The following TBL1Y variants were observed in gnomAD, a reference collection of about 807,000 sequenced individuals.
TBL1Y encodes transducin beta like 1 Y-linked.
TBL1Y carries 15 observed loss-of-function variants against 12.0 expected under a neutral mutation model. The ratio of observed to expected loss-of-function variants is 1.25; its 90% CI spans 0.83 to 1.92. The LOEUF (loss-of-function observed/expected upper bound fraction) is 1.92. TBL1Y is among the 40% of genes most tolerant of loss of function. TBL1Y has a pLI of 0.00. For synonymous variants in TBL1Y, 53 were observed against 42.6 expected (o/e 1.24, Z -0.95); for missense variants, 148 against 116.7 (o/e 1.27, Z -1.24).
At chrY:6,980,310 G>A (rs2012275098) in intron 3 of TBL1Y, among the ~76,000 whole-genome samples, 1 of 33,599 alleles carries the variant, frequency 3.0e-5, no homozygotes, top group South Asian at 6.9e-4. Context: ...TTTTATCTGC[G>A]GTATTTATGG....
chrY:7,055,061 G>T, intron 7 of TBL1Y, among the ~76,000 whole-genome samples: 2 of 34,042 alleles, frequency 5.9e-5, no homozygotes, highest in African/African-American at 2.3e-4. Context: ...AAGCACAGGG[G>T]CTCAAGGGCC....
chrY:7,052,892 A>G (rs2012805896), intron 7 of TBL1Y, among the ~76,000 whole-genome samples: 1 of 34,450 alleles, frequency 2.9e-5, no homozygotes, highest in African/African-American at 1.1e-4. Flanking sequence ...ATATTTAAGA[A>G]TGTTAGCACA....
intron 4 of TBL1Y, among the ~76,000 whole-genome samples, chrY:7,018,880 T>A: frequency 3.0e-5 from 1 of 33,361 alleles, no homozygotes; most frequent in Admixed American, 2.7e-4. Flanking sequence ...TCTAATTCAG[T>A]TTTTTGAAGA....
rs1569371227 is a variant in TBL1Y, at chrY:7,091,522, A to G, written c.*30A>G. On this transcript the variant is annotated 3_prime_UTR_variant, in exon 19 of 19. Transcript: ENST00000383032. ...AAACACAAAATATAGAAAAAAAGAAAAGAATTCTAATGACCTGCCTTGAAT... is the reference window on the plus strand; with the variant it reads ...AAACACAAAATATAGAAAAAAAGAAGAGAATTCTAATGACCTGCCTTGAAT... 2 of 353,205 alleles carry G rather than the reference A, an allele frequency of 5.7e-6. No homozygotes were observed. Among genetic ancestry groups the G allele is most frequent in the Non-Finnish European group, 4.0e-6 (1 of 251,700 alleles). The allele number at this position is 353,205 out of a possible 400,897, so 88.1% of individuals were successfully genotyped here. A position where few individuals can be genotyped will look rare whatever the true frequency, so the allele number is the denominator to read the frequency against.
chrY:6,987,298 CT>C (rs369781684), intron 3 of TBL1Y, among the ~76,000 whole-genome samples: 8 of 26,129 alleles, frequency 3.1e-4, no homozygotes, highest in South Asian at 9.4e-4. Context: ...TTTGTCATTT[CT>C]TTTTTTTTTT....
At chrY:7,063,841 T>C in intron 7 of TBL1Y, 56 bp from the exon 8 acceptor site, 1 of 392,373 alleles carries the variant, frequency 2.5e-6, no homozygotes, top group Non-Finnish European at 3.6e-6. Context: ...GTAGAGACCA[T>C]TCCCAGAGCC....
At chrY:7,070,352 C>T (rs367577310) in intron 9 of TBL1Y, 24 bp downstream of exon 9, 90 of 393,020 alleles carry the variant, frequency 2.3e-4, no homozygotes, top group Non-Finnish European at 3.1e-4. Flanking sequence ...GATGGGGGCA[C>T]TCCAGGGTCA....
intron 2 of TBL1Y, among the ~76,000 whole-genome samples, chrY:6,940,717 CCTGTGTCAG>C (rs2011946841): frequency 3.1e-5 from 1 of 32,750 alleles, no homozygotes; most frequent in African/African-American, 1.2e-4. Context: ...GTCTGTGTCA[CCTGTGTCAG>C]CTGTGGATAA....
intron 17 of TBL1Y, among the ~76,000 whole-genome samples, chrY:7,089,235 C>T (rs2013159042): frequency 2.9e-5 from 1 of 33,999 alleles, no homozygotes; most frequent in African/African-American, 1.1e-4. Flanking sequence ...ACATATGTTA[C>T]GCAATTTTCT....
intron 4 of TBL1Y, among the ~76,000 whole-genome samples, chrY:7,020,480 C>A: frequency 6.1e-5 from 2 of 32,601 alleles, no homozygotes. Flanking sequence ...ACTCAGGAAG[C>A]GAGGCAGGAG....
At chrY:6,974,988 G>A (rs1603032369) in intron 2 of TBL1Y, among the ~76,000 whole-genome samples, 1 of 33,583 alleles carries the variant, frequency 3.0e-5, no homozygotes, top group African/African-American at 1.2e-4. Context: ...AGGCTGCAGC[G>A]AGGTCTGTAC....
intron 2 of TBL1Y, among the ~76,000 whole-genome samples, chrY:6,974,059 A>G (rs2012223401): frequency 1.5e-4 from 5 of 33,780 alleles, no homozygotes. Context: ...TACAGTGTGC[A>G]TCACAGCCCC....
intron 3 of TBL1Y, among the ~76,000 whole-genome samples, chrY:6,993,457 G>A: frequency 3.3e-5 from 1 of 30,642 alleles, no homozygotes; most frequent in Admixed American, 3.2e-4. Context: ...GTAAATGTGT[G>A]CCATGGTCAT....
chrY:6,984,174 C>T (rs2012302248), intron 3 of TBL1Y, among the ~76,000 whole-genome samples: 1 of 32,926 alleles, frequency 3.0e-5, no homozygotes, highest in Non-Finnish European at 7.4e-5. Flanking sequence ...ACCCTGGCTT[C>T]CCGGTCTTGT....
intron 4 of TBL1Y, among the ~76,000 whole-genome samples, chrY:7,018,400 G>A: frequency 6.1e-5 from 2 of 33,021 alleles, no homozygotes; most frequent in African/African-American, 2.4e-4. Flanking sequence ...TCCTGTTTGG[G>A]TAGAAAAGGT....
At chrY:7,049,206 G>T (rs2012780751) in intron 7 of TBL1Y, among the ~76,000 whole-genome samples, 3 of 33,494 alleles carry the variant, frequency 9.0e-5, no homozygotes, top group South Asian at 1.4e-3. Context: ...CAAAGGACAT[G>T]AACTCATCCT....
chrY:6,951,784 T>C, intron 2 of TBL1Y, among the ~76,000 whole-genome samples: 1 of 33,790 alleles, frequency 3.0e-5, no homozygotes, highest in Non-Finnish European at 7.3e-5. Flanking sequence ...CAATTTTAGA[T>C]CTTTGCTGCT....
In TBL1Y at chrY:6,991,842, A is replaced by C. The variant is rs759809926; in HGVS notation, c.-234-3962A>C. On this transcript the variant is annotated intron_variant, in intron 3 of 18. Coordinates refer to ENST00000383032, the MANE Select transcript of TBL1Y (RefSeq NM_033284.2). ...ATGCAGCCAGCATGGCAATGCCTCAACTTACAGAAATGGAGAAGGGAAAGA... is the reference window on the plus strand; with the variant it reads ...ATGCAGCCAGCATGGCAATGCCTCACCTTACAGAAATGGAGAAGGGAAAGA... Among the ~76,000 whole-genome samples, 3 of 34,457 alleles carry C rather than the reference A, an allele frequency of 8.7e-5. No homozygotes were observed. In the East Asian group the frequency reaches 2.3e-3, roughly 26 times the overall value. The allele number at this position is 34,457 out of a possible 37,273, so 92.4% of individuals were successfully genotyped here.
At chrY:6,923,867 G>C in intron 2 of TBL1Y, among the ~76,000 whole-genome samples, 1 of 33,348 alleles carries the variant, frequency 3.0e-5, no homozygotes, top group Non-Finnish European at 7.4e-5. Context: ...CTGTTACTCA[G>C]GCTGAAGTGC....
Sources: allele counts gnomAD v4.1 joint callset (sites outside exome capture counted in the v4.1 genomes callset), GRCh38; gene constraint gnomAD v4.1.1; transcripts MANE v1.5; gene names NCBI Gene and HGNC (gene_info 2026-07-23, HGNC 2026-07-21).